The following SCAMP2 variants were observed in gnomAD, a reference collection of about 807,000 sequenced individuals.
SCAMP2 encodes the protein secretory carrier membrane protein 2.
Under a neutral mutation model 44.1 loss-of-function variants are expected in SCAMP2, and 25 were observed. The ratio of observed to expected loss-of-function variants is 0.57; its 90% CI spans 0.41 to 0.79. The LOEUF (loss-of-function observed/expected upper bound fraction) is 0.79, where lower values mean the gene tolerates loss of function less well. SCAMP2 is among the 30% of genes least tolerant of loss of function. The pLI is 0.00. For synonymous variants in SCAMP2, 156 were observed against 166.0 expected (o/e 0.94, Z 0.46); for missense variants, 355 against 411.0 (o/e 0.86, Z 1.18).
At chr15:74,870,383 C>G (rs545717527) in intron 1 of SCAMP2, among the ~76,000 whole-genome samples, 3 of 152,134 alleles carry the variant, frequency 2.0e-5, no homozygotes, top group Non-Finnish European at 4.4e-5. Context: ...TCCTCTCTGT[C>G]AGACAGCAGC....
intron 3 of SCAMP2, chr15:74,852,505 C>T (rs1351896968): frequency 4.0e-6 from 1 of 251,306 alleles, no homozygotes; most frequent in East Asian, 7.5e-5. Flanking sequence ...AGGCAGCGCT[C>T]AGTGATTGTG....
At chr15:74,852,317 G>A (rs1210860254) in intron 3 of SCAMP2, 131 bp from the exon 4 acceptor site, 4 of 529,260 alleles carry the variant, frequency 7.6e-6, no homozygotes, top group South Asian at 3.9e-5. Context: ...AGCAGTCCCC[G>A]CCCCACAGAG....
intron 1 of SCAMP2, among the ~76,000 whole-genome samples, chr15:74,869,841 A>G (rs2064563706): frequency 6.6e-6 from 1 of 152,056 alleles, no homozygotes; most frequent in Admixed American, 6.5e-5. Context: ...TCGCCTCTCC[A>G]CCTGCTCTCT....
chr15:74,861,409 C>A (rs1343219902), intron 1 of SCAMP2, among the ~76,000 whole-genome samples: 1 of 152,024 alleles, frequency 6.6e-6, no homozygotes, highest in Admixed American at 6.6e-5. Flanking sequence ...GAGAATCTGT[C>A]CTAAGAAAAT....
At chr15:74,852,354 G>A (rs1420664028) in intron 3 of SCAMP2, 168 bp from the exon 4 acceptor site, 3 of 430,534 alleles carry the variant, frequency 7.0e-6, no homozygotes, top group Non-Finnish European at 1.2e-5. Context: ...GACCACCTTA[G>A]AGAGGCCAAC....
chr15:74,850,799 C>G, intron 5 of SCAMP2, 126 bp from the exon 6 acceptor site: 1 of 895,044 alleles, frequency 1.1e-6, no homozygotes, highest in Non-Finnish European at 1.7e-6. Context: ...CAGAGGAGCC[C>G]GCTCTGTACC....
At chr15:74,860,004 C>CTTA (rs1488302877) in intron 1 of SCAMP2, among the ~76,000 whole-genome samples, 1 of 152,200 alleles carries the variant, frequency 6.6e-6, no homozygotes, top group African/African-American at 2.4e-5. Context: ...GTGGCTCAAG[C>CTTA]TTATAATCCA....
At chr15:74,852,227 CAAACAG>C (rs748569920) in intron 3 of SCAMP2, 41 bp from the exon 4 acceptor site, 1 of 1,371,218 alleles carries the variant, frequency 7.3e-7, no homozygotes. Flanking sequence ...CCAGACACAA[CAAACAG>C]AAACAGTGTC....
intron 6 of SCAMP2, 23 bp from the exon 7 acceptor site, chr15:74,848,724 G>C (rs1319586857): frequency 9.1e-6 from 14 of 1,543,532 alleles, no homozygotes; most frequent in Non-Finnish European, 1.2e-5. Flanking sequence ...AGGGAAATAA[G>C]TCACAAGAGG....
intron 3 of SCAMP2, 77 bp from the exon 4 acceptor site, chr15:74,852,263 AGAGGCCTTGCCCCAGGCAGG>A: frequency 1.8e-6 from 2 of 1,083,536 alleles, no homozygotes; most frequent in Non-Finnish European, 2.5e-6. Flanking sequence ...AGGCAGGCAG[AGAGGCCTTGCCCCAGGCAGG>A]GACAGCCATC....
At chr15:74,862,529 T>C (rs910243789) in intron 1 of SCAMP2, among the ~76,000 whole-genome samples, 1 of 151,368 alleles carries the variant, frequency 6.6e-6, no homozygotes, top group African/African-American at 2.4e-5. Flanking sequence ...TGAGCCGAGA[T>C]CACACCACTG....
rs112611741 is a variant in SCAMP2 at position 74,862,853 on chromosome 15, T to TACACAC, written c.58-8210_58-8205dup. Reference sequence around the variant, plus strand: ...AAAAAAAAAAACAAAAAACAAACCATACACACACACACACACACACACACA... The same window carrying TACACAC: ...AAAAAAAAAAACAAAAAACAAACCATACACACACACACACACACACACACACACACA... On this transcript the variant is annotated intron_variant, in intron 1 of 8. Coordinates refer to ENST00000268099, the MANE Select transcript of SCAMP2 (RefSeq NM_005697.5). 9.4e-3 allele frequency among the ~76,000 whole-genome samples: 822 copies of TACACAC among 87,462 alleles called. 17 individuals are homozygous for TACACAC. The highest frequency in any genetic ancestry group is 0.015 in the African/African-American group (388 of 26,472). 57.4% of individuals were successfully genotyped at this position (87,462 alleles called of 152,430 possible). A position where few individuals can be genotyped will look rare whatever the true frequency, so the allele number is the denominator to read the frequency against.
intron 1 of SCAMP2, among the ~76,000 whole-genome samples, chr15:74,866,212 T>C (rs899698945): frequency 1.3e-5 from 2 of 149,838 alleles, no homozygotes; most frequent in Non-Finnish European, 3.0e-5. Context: ...AGGCCAAGGA[T>C]GGAGAGAATT....
At chr15:74,864,550 A>T (rs1286858849) in intron 1 of SCAMP2, among the ~76,000 whole-genome samples, 1 of 152,194 alleles carries the variant, frequency 6.6e-6, no homozygotes, top group Non-Finnish European at 1.5e-5. Flanking sequence ...CAGGGGTGAC[A>T]TGATCATTCT....
In SCAMP2 at chr15:74,845,153, C is replaced by G; in HGVS notation, c.920G>C (p.Gly307Ala). ...GTGGAAGGTTCTGCTGCTGAAGATG[C>G]CCTGGGAAAACTCCTCCTGGGCCTG... ...FQQAQEEFSQ[G>A]IFSSRTFHRA... is the part of the protein sequence containing the mutation. The change falls in exon 9 of 9, where the codon GGC (glycine) becomes GCC (alanine). Residue 307 changes from glycine to alanine, a missense_variant. Physicochemically the swap from Gly to Ala is moderately conservative, Grantham distance 60. Coordinates refer to ENST00000268099, the MANE Select transcript of SCAMP2 (RefSeq NM_005697.5). 1 of 1,613,950 alleles carries G rather than the reference C, an allele frequency of 6.2e-7. No homozygotes were observed. The highest frequency in any genetic ancestry group is 1.7e-5 in the Admixed American group (1 of 60,022).
At chr15:74,853,549 C>T in intron 3 of SCAMP2, 1 of 439,898 alleles carries the variant, frequency 2.3e-6, no homozygotes, top group Non-Finnish European at 4.7e-6. Flanking sequence ...GCGAGGGGTG[C>T]AGCGGGAGGG....
intron 1 of SCAMP2, among the ~76,000 whole-genome samples, chr15:74,857,086 C>T (rs1423952020): frequency 6.6e-6 from 1 of 152,106 alleles, no homozygotes; most frequent in Non-Finnish European, 1.5e-5. Context: ...CAGATACTTC[C>T]TCTTATCTCT....
Position 74,860,414 on chromosome 15 carries a change from C to T in SCAMP2, c.58-5765G>A, listed in dbSNP as rs185322773. On this transcript the variant is annotated intron_variant, in intron 1 of 8. Transcript: ENST00000268099. Reference sequence around the variant, plus strand: ...ATTAAAAATACAAAAATTGGCCAGGCGTGATGGCTCACGCCTGTAATCCCA... The same window carrying T: ...ATTAAAAATACAAAAATTGGCCAGGTGTGATGGCTCACGCCTGTAATCCCA... Among the ~76,000 whole-genome samples the T allele has an allele frequency of 2.1e-5, 3 of 144,480 alleles. No individual in the cohort carries two copies. The East Asian group carries it at 6.5e-4, about 31-fold the overall frequency. 94.8% of individuals were successfully genotyped at this position (144,480 alleles called of 152,430 possible). A position where few individuals can be genotyped will look rare whatever the true frequency, so the allele number is the denominator to read the frequency against.
rs2064451013 is a variant in SCAMP2, at chr15:74,853,858, GC to G, written c.225+162del. The G allele has an allele frequency of 8.0e-6, 5 of 624,386 alleles. No homozygotes were observed. In the East Asian group the frequency reaches 1.4e-4, roughly 17 times the overall value. The allele number at this position is 624,386 out of a possible 1,614,324, so 38.7% of individuals were successfully genotyped here. A position where few individuals can be genotyped will look rare whatever the true frequency, so the allele number is the denominator to read the frequency against. On this transcript the variant is annotated intron_variant, in intron 3 of 8. Transcript: ENST00000268099. Reference sequence around the variant, plus strand: ...AGTAAGGATATTAATTGGCAGAGCAGCCCCTCTACTTGTAGGTGACCAGCTC... The same window carrying G: ...AGTAAGGATATTAATTGGCAGAGCAGCCCTCTACTTGTAGGTGACCAGCTC...
Sources: gnomAD v4.1 joint callset for allele counts (sites outside exome capture counted in the v4.1 genomes callset) on GRCh38, gnomAD v4.1.1 for gene constraint, MANE v1.5 for transcripts, NCBI Gene and HGNC (gene_info 2026-07-23, HGNC 2026-07-21) for gene names.